NOX4: variants seen among roughly 807,000 people sequenced by gnomAD.
The protein encoded by NOX4 is kidney oxidase-1.
Under a neutral mutation model 87.6 loss-of-function variants are expected in NOX4, and 69 were observed. The observed-to-expected ratio is 0.79, with a 90% confidence interval of 0.65 to 0.96. The LOEUF is 0.96. Ranked by LOEUF, NOX4 falls within the 40% of genes least tolerant of loss-of-function variation. The probability of loss-of-function intolerance (pLI) is 0.00; values close to 1 mark genes in which losing one functional copy is unlikely to be tolerated. For missense variants in NOX4, 680 were observed against 681.5 expected, an observed-to-expected ratio of 1.00 and a Z score of 0.02; for synonymous variants, 275 against 238.2, an observed-to-expected ratio of 1.15 and a Z score of -1.42.
chr11:89,454,627 T>C (rs564620065), intron 2 of NOX4, among the ~76,000 whole-genome samples: 3 of 152,236 alleles, frequency 2.0e-5, no homozygotes, highest in East Asian at 1.9e-4. Context: ...AAATGTAGCT[T>C]TAAAAATAGC....
intron 7 of NOX4, among the ~76,000 whole-genome samples, chr11:89,427,962 C>G (rs557929323): frequency 6.6e-6 from 1 of 152,232 alleles, no homozygotes; most frequent in African/African-American, 2.4e-5. Flanking sequence ...TTAAGGGCAG[C>G]CAGAGAGAAA....
chr11:89,575,764 TCTA>T, the NOX4 span, among the ~76,000 whole-genome samples: 2 of 152,092 alleles, frequency 1.3e-5, no homozygotes, highest in South Asian at 2.1e-4. Flanking sequence ...TCTTCTTTCT[TCTA>T]CTTCATTTCC....
chr11:89,503,804 A>G, the NOX4 span, among the ~76,000 whole-genome samples: 2 of 149,474 alleles, frequency 1.3e-5, no homozygotes, highest in Admixed American at 1.4e-4. Context: ...AATCCATCCT[A>G]TAACATTGAA....
intron 12 of NOX4, among the ~76,000 whole-genome samples, chr11:89,369,223 A>G (rs1939249342): frequency 6.6e-6 from 1 of 152,058 alleles, no homozygotes; most frequent in Non-Finnish European, 1.5e-5. Flanking sequence ...TGAGGGAAGA[A>G]GTGAGAAGCC....
rs1248249748 is a variant in NOX4, at chr11:89,335,906, G to T, written c.1555C>A (p.Leu519Met). The change falls in exon 17 of 18, where the codon CTG becomes ATG. Residue 519 changes from leucine (L) to methionine (M), a missense_variant. Transcript: ENST00000263317. Reference protein sequence around the residue: ...GEKYHALNSRLFIGRPRWKLL... With the variant: ...GEKYHALNSRMFIGRPRWKLL... Reference sequence around the variant, plus strand: ...TTCCACCGAGGACGTCCTATAAACAGTCTTGAATTCAGTGCATGATATTTT... The same window carrying T: ...TTCCACCGAGGACGTCCTATAAACATTCTTGAATTCAGTGCATGATATTTT... 3 of 1,600,552 alleles carry T rather than the reference G, an allele frequency of 1.9e-6. No homozygotes were observed. Among genetic ancestry groups the T allele is most frequent in the Non-Finnish European group, 2.6e-6 (3 of 1,173,460 alleles).
intron 12 of NOX4, among the ~76,000 whole-genome samples, chr11:89,370,754 T>C (rs1939376788): frequency 2.0e-5 from 3 of 152,178 alleles, no homozygotes; most frequent in Admixed American, 1.3e-4. Context: ...ATCTAGGAGA[T>C]GCAATTAGAG....
chr11:89,430,078 T>C (rs1007109901), intron 7 of NOX4, among the ~76,000 whole-genome samples: 1 of 152,130 alleles, frequency 6.6e-6, no homozygotes, highest in Non-Finnish European at 1.5e-5. Context: ...TAATCCAGCA[T>C]ATAAACAGAA....
intron 11 of NOX4, among the ~76,000 whole-genome samples, chr11:89,390,978 GC>G (rs1293313350): frequency 6.6e-6 from 1 of 151,990 alleles, no homozygotes; most frequent in Non-Finnish European, 1.5e-5. Flanking sequence ...TTCTGTAGTT[GC>G]ACCCTCTAAG....
At chr11:89,382,537 T>A (rs949288397) in intron 11 of NOX4, among the ~76,000 whole-genome samples, 2 of 151,896 alleles carry the variant, frequency 1.3e-5, no homozygotes, top group Middle Eastern at 3.2e-3. Context: ...AATCCTTCCT[T>A]CCCTCCCACC....
chr11:89,386,750 T>TA (rs1173223913), intron 11 of NOX4, among the ~76,000 whole-genome samples: 4 of 152,070 alleles, frequency 2.6e-5, no homozygotes, highest in Non-Finnish European at 5.9e-5. Flanking sequence ...TATGACAACA[T>TA]AAAAAAACTC....
At chr11:89,467,347 CACAAAAAAAA>C (rs1945743798) in intron 2 of NOX4, among the ~76,000 whole-genome samples, 1 of 42,548 alleles carries the variant, frequency 2.4e-5, no homozygotes, top group African/African-American at 1.4e-4. Flanking sequence ...CCAAACTCGT[CACAAAAAAAA>C]AAAAAAAAAA....
the NOX4 span, among the ~76,000 whole-genome samples, chr11:89,516,178 C>T: frequency 0.013 from 1,947 of 152,090 alleles, 28 homozygotes; most frequent in African/African-American, 0.037. Context: ...TACATTTCCA[C>T]TCACTTCCCT....
the NOX4 span, among the ~76,000 whole-genome samples, chr11:89,538,856 T>C: frequency 6.6e-6 from 1 of 152,130 alleles, no homozygotes; most frequent in African/African-American, 2.4e-5. Context: ...CAATTTCATA[T>C]ACTGACACCC....
the NOX4 span, among the ~76,000 whole-genome samples, chr11:89,519,248 GT>G: frequency 3.3e-5 from 5 of 152,074 alleles, no homozygotes; most frequent in African/African-American, 9.6e-5. Context: ...AGGGAAAGTT[GT>G]TCATGTAGAA....
intron 7 of NOX4, among the ~76,000 whole-genome samples, chr11:89,422,695 T>C (rs1943144473): frequency 2.0e-5 from 3 of 152,148 alleles, no homozygotes; most frequent in African/African-American, 7.2e-5. Flanking sequence ...GAGAAACCCT[T>C]ACTTAAGCAG....
chr11:89,419,262 T>C (rs560759618), intron 8 of NOX4, among the ~76,000 whole-genome samples: 1 of 152,174 alleles, frequency 6.6e-6, no homozygotes, highest in South Asian at 2.1e-4. Flanking sequence ...GAAATTTCAA[T>C]ATAAATCCAA....
chr11:89,414,258 G>A (rs1287044044), intron 8 of NOX4, among the ~76,000 whole-genome samples: 1 of 151,852 alleles, frequency 6.6e-6, no homozygotes, highest in African/African-American at 2.4e-5. Flanking sequence ...ATGCTTACTT[G>A]GGTTCGTTTA....
At chr11:89,354,313 C>T (rs866187490) in intron 13 of NOX4, among the ~76,000 whole-genome samples, 45 of 152,158 alleles carry the variant, frequency 3.0e-4, no homozygotes, top group African/African-American at 9.6e-4. Context: ...ATTCAGCATG[C>T]GTCAGTCTTT....
At position 89,413,268 on chromosome 11, in the gene NOX4, G is replaced by A. The variant is rs564686864; in HGVS notation, c.629+8634C>T. Reference sequence around the variant, plus strand: ...CATAACCCTTATGGGAGAAAAGTTTGGAGGTTCCTCAAAAGACTAAAAACA... The same window carrying A: ...CATAACCCTTATGGGAGAAAAGTTTAGAGGTTCCTCAAAAGACTAAAAACA... On this transcript the variant is annotated intron_variant, in intron 8 of 17. Coordinates refer to ENST00000263317, the MANE Select transcript of NOX4 (RefSeq NM_016931.5). 4.6e-5 allele frequency among the ~76,000 whole-genome samples: 7 copies of A among 152,214 alleles called. No individual in the cohort carries two copies. The South Asian group carries it at 8.3e-4, about 18-fold the overall frequency.
Sources: gnomAD v4.1 joint callset for allele counts (sites outside exome capture counted in the v4.1 genomes callset) on GRCh38, gnomAD v4.1.1 for gene constraint, MANE v1.5 for transcripts, NCBI Gene and HGNC (gene_info 2026-07-23, HGNC 2026-07-21) for gene names.